Variants in GDA observed in about 807,000 individuals in gnomAD.
The protein encoded by GDA is cytoplasmic PSD-95 interactor.
In GDA, 18 loss-of-function variants were observed where a neutral mutation model predicts 59.6. That is an observed-to-expected ratio of 0.30 (90% CI 0.21 to 0.45). GDA has a LOEUF of 0.45. GDA is among the 20% of genes least tolerant of loss of function. The probability of loss-of-function intolerance (pLI) is 1.00; values close to 1 mark genes in which losing one functional copy is unlikely to be tolerated. For missense variants in GDA, 427 were observed against 552.3 expected (o/e 0.77, Z 2.27); for synonymous variants, 201 against 201.1 (o/e 1.00, Z 0.00).
chr9:72,252,851 C>T (rs771886868), downstream of GDA, among the ~76,000 whole-genome samples: 5 of 152,130 alleles, frequency 3.3e-5, no homozygotes, highest in Non-Finnish European at 7.3e-5. Context: ...AATATGAGTG[C>T]CTGCCTTACA....
chr9:72,243,819 C>A (rs764239377), intron 11 of GDA, among the ~76,000 whole-genome samples: 1 of 152,060 alleles, frequency 6.6e-6, no homozygotes, highest in Admixed American at 6.6e-5. Context: ...CAAAGGTAGT[C>A]GATTCAATAT....
At chr9:72,160,915 G>T (rs1431899025) in intron 1 of GDA, among the ~76,000 whole-genome samples, 1 of 152,008 alleles carries the variant, frequency 6.6e-6, no homozygotes, top group Non-Finnish European at 1.5e-5. Flanking sequence ...TCCTCAATGA[G>T]GTCATTGCTG....
chr9:72,200,556 C>A (rs180884113), intron 2 of GDA, among the ~76,000 whole-genome samples: 1 of 151,394 alleles, frequency 6.6e-6, no homozygotes, highest in Admixed American at 6.6e-5. Flanking sequence ...TTTCTCTGGA[C>A]TCTCCACAGG....
downstream of GDA, chr9:72,257,902 A>T (rs1840903924): frequency 6.6e-6 from 1 of 151,600 alleles, no homozygotes; most frequent in South Asian, 2.1e-4. Flanking sequence ...ACTGCACTCC[A>T]GCCTGGGTGA....
chr9:72,196,789 G>A (rs1220941500), intron 2 of GDA, among the ~76,000 whole-genome samples: 3 of 127,196 alleles, frequency 2.4e-5, no homozygotes, highest in African/African-American at 9.3e-5. Flanking sequence ...TCCCTTCCCT[G>A]TGTCCATTTG....
At chr9:72,160,255 G>A (rs1828443657) in intron 1 of GDA, among the ~76,000 whole-genome samples, 1 of 152,162 alleles carries the variant, frequency 6.6e-6, no homozygotes, top group Non-Finnish European at 1.5e-5. Flanking sequence ...CTTGCAGTGA[G>A]CCGAGATAGC....
upstream of GDA, among the ~76,000 whole-genome samples, chr9:72,148,625 T>C (rs1482828103): frequency 6.6e-6 from 1 of 152,020 alleles, no homozygotes; most frequent in African/African-American, 2.4e-5. Context: ...CTGGGTTTCA[T>C]GGAGGAACTT....
chr9:72,200,218 G>C (rs548453715), intron 2 of GDA, among the ~76,000 whole-genome samples: 14 of 152,020 alleles, frequency 9.2e-5, no homozygotes, highest in East Asian at 7.8e-4. Context: ...GGATGGTCTC[G>C]ATCTCCTGAC....
At position 72,250,635 on chromosome 9, in the gene GDA, C is replaced by T. The variant is rs1840588909; in HGVS notation, c.*2293C>T. On this transcript the variant is annotated 3_prime_UTR_variant, in exon 14 of 14. Coordinates refer to ENST00000358399, the MANE Select transcript of GDA (RefSeq NM_004293.5). ...TCTATACCTGGGGCCAGATTTTCTG[C>T]ACTTTGAAATGTTGCCTTTGCCTAA... is the stretch of plus-strand genomic sequence containing the variant. 1.3e-6 allele frequency: 2 copies of T among 1,591,928 alleles called. No homozygotes were observed. Among genetic ancestry groups the T allele is most frequent in the African/African-American group, 1.3e-5 (1 of 74,236 alleles).
At chr9:72,223,096 T>A (rs764594810) in intron 6 of GDA, 24 bp from the exon 7 acceptor site, 9 of 1,098,900 alleles carry the variant, frequency 8.2e-6, no homozygotes, top group Non-Finnish European at 1.3e-5. Context: ...GGAAGAGGTA[T>A]CAATTGTTTT....
intron 1 of GDA, among the ~76,000 whole-genome samples, chr9:72,192,256 A>T: frequency 1.2e-5 from 1 of 83,434 alleles, no homozygotes; most frequent in Non-Finnish European, 2.2e-5. Context: ...TTTTTTGAGA[A>T]CGAGTCTCAC....
intron 1 of GDA, among the ~76,000 whole-genome samples, chr9:72,154,592 A>G (rs1180832008): frequency 6.6e-6 from 1 of 152,212 alleles, no homozygotes; most frequent in African/African-American, 2.4e-5. Flanking sequence ...GCACCCTGGA[A>G]GAAAGATCAA....
At chr9:72,168,853 A>G (rs1829637251) in intron 1 of GDA, among the ~76,000 whole-genome samples, 1 of 152,238 alleles carries the variant, frequency 6.6e-6, no homozygotes, top group Non-Finnish European at 1.5e-5. Flanking sequence ...TGAAGGTCAC[A>G]TAGCTGGTTA....
downstream of GDA, among the ~76,000 whole-genome samples, chr9:72,258,803 C>A (rs1209620973): frequency 6.6e-6 from 1 of 152,128 alleles, no homozygotes; most frequent in Non-Finnish European, 1.5e-5. Flanking sequence ...GAAGAAAGAG[C>A]CTCACCCATG....
chr9:72,118,506 C>T (rs966822190), intron 1 of GDA, among the ~76,000 whole-genome samples: 4 of 152,066 alleles, frequency 2.6e-5, no homozygotes, highest in Admixed American at 6.6e-5. Context: ...ATTATTTCAA[C>T]TCTATCTCTA....
At chr9:72,258,185 C>T (rs973223242), downstream of GDA, among the ~76,000 whole-genome samples, 4 of 151,484 alleles carry the variant, frequency 2.6e-5, no homozygotes, top group Admixed American at 6.6e-5. Flanking sequence ...TGGTGGTGCA[C>T]ACTTGTAGTC....
intron 1 of GDA, among the ~76,000 whole-genome samples, chr9:72,121,191 T>A (rs944849684): frequency 2.2e-4 from 34 of 152,304 alleles, no homozygotes; most frequent in South Asian, 8.3e-4. Context: ...TGATGTTGTT[T>A]TCTACATTAT....
chr9:72,164,723 C>T (rs932029844), intron 1 of GDA, among the ~76,000 whole-genome samples: 2 of 151,272 alleles, frequency 1.3e-5, no homozygotes, highest in African/African-American at 4.9e-5. Context: ...GTGGCTCACG[C>T]CTGTAATCCC....
chr9:72,216,674 A>C (rs895899737), intron 5 of GDA, among the ~76,000 whole-genome samples: 1 of 144,922 alleles, frequency 6.9e-6, no homozygotes, highest in African/African-American at 2.5e-5. Flanking sequence ...GAAGTAGGAA[A>C]AACTATTTTT....
Sources: gnomAD v4.1 joint callset for allele counts (sites outside exome capture counted in the v4.1 genomes callset) on GRCh38, gnomAD v4.1.1 for gene constraint, MANE v1.5 for transcripts, NCBI Gene and HGNC (gene_info 2026-07-23, HGNC 2026-07-21) for gene names.